The following GFPT2 variants were observed in gnomAD, a reference collection of about 807,000 sequenced individuals.
GFPT2 encodes glutamine--fructose-6-phosphate aminotransferase [isomerizing] 2.
A neutral mutation model predicts 85.6 loss-of-function variants in GFPT2; 62 were observed. The ratio of observed to expected loss-of-function variants is 0.72; its 90% CI spans 0.59 to 0.90. The LOEUF is 0.90. GFPT2 is among the 40% of genes least tolerant of loss of function. The pLI is 0.00. For synonymous variants in GFPT2, 368 were observed against 344.5 expected (o/e 1.07, Z -0.75); for missense variants, 788 against 893.4 (o/e 0.88, Z 1.50).
chr5:180,315,181 C>CTTTCTTT (rs1554133430), intron 13 of GFPT2, among the ~76,000 whole-genome samples: 5 of 144,122 alleles, frequency 3.5e-5, no homozygotes, highest in African/African-American at 1.0e-4. Flanking sequence ...TTTTCTTTTT[C>CTTTCTTT]TTTTTTTTTT....
At chr5:180,316,498 T>A in intron 12 of GFPT2, 37 bp from the exon 13 acceptor site, 1 of 1,613,008 alleles carries the variant, frequency 6.2e-7, no homozygotes, top group Non-Finnish European at 8.5e-7. Flanking sequence ...CTAAAGTCAG[T>A]CACAGGCACG....
intron 9 of GFPT2, among the ~76,000 whole-genome samples, chr5:180,320,070 G>C (rs1284014470): frequency 6.6e-6 from 1 of 152,128 alleles, no homozygotes; most frequent in Non-Finnish European, 1.5e-5. Flanking sequence ...TCCACTCACT[G>C]CAAGCTCTGC....
At chr5:180,338,350 A>T (rs781480200) in intron 2 of GFPT2, 143 bp downstream of exon 2, 21 of 481,208 alleles carry the variant, frequency 4.4e-5, no homozygotes, top group Non-Finnish European at 7.0e-5. Context: ...TTTAACGGAC[A>T]AGTGTTATTT....
At chr5:180,321,949 G>A (rs1040760779) in intron 9 of GFPT2, among the ~76,000 whole-genome samples, 4 of 151,306 alleles carry the variant, frequency 2.6e-5, no homozygotes, top group African/African-American at 7.3e-5. Context: ...ACGCCCGGCT[G>A]ATTTTTTTTT....
intron 1 of GFPT2, among the ~76,000 whole-genome samples, chr5:180,344,118 C>G (rs906135119): frequency 2.0e-5 from 3 of 152,196 alleles, no homozygotes; most frequent in African/African-American, 7.2e-5. Context: ...CAGCCCTCAA[C>G]AGAGAGCAAG....
intron 9 of GFPT2, among the ~76,000 whole-genome samples, chr5:180,320,332 A>C (rs950249785): frequency 1.3e-5 from 2 of 152,220 alleles, no homozygotes; most frequent in Admixed American, 1.3e-4. Context: ...ATGGAAAAGA[A>C]TAATGATTTT....
intron 13 of GFPT2, among the ~76,000 whole-genome samples, chr5:180,315,804 A>C (rs1763995008): frequency 6.6e-6 from 1 of 152,176 alleles, no homozygotes; most frequent in South Asian, 2.1e-4. Context: ...ATGGCACCAG[A>C]TGGGGTGCAT....
At position 180,307,239 on chromosome 5, in the gene GFPT2, C is replaced by T. The variant is rs370718311; in HGVS notation, c.1611G>A (p.Thr537=). ...KIHDLALELY[T]QRSLLVMGRG... ...GCCCCATCACCAGCAGCGATCTCTG[C>T]GTGTAGAGCTCCAGGGCCAAGTCGT... is the stretch of plus-strand genomic sequence containing the variant. The change falls in exon 16 of 19, where the codon ACG becomes ACA. Residue 537 remains threonine, a synonymous_variant. Coordinates refer to ENST00000253778, the MANE Select transcript of GFPT2 (RefSeq NM_005110.4). The T allele has an allele frequency of 2.0e-5, 33 of 1,613,096 alleles. No individual in the cohort carries two copies. In the African/African-American group the frequency reaches 2.8e-4, roughly 14 times the overall value.
At chr5:180,301,899 G>A (rs1051087231) in intron 18 of GFPT2, among the ~76,000 whole-genome samples, 1 of 146,556 alleles carries the variant, frequency 6.8e-6, no homozygotes, top group Admixed American at 7.0e-5. Context: ...GGTGTGTACT[G>A]TTAAAAATTA....
chr5:180,349,517 C>T (rs1208604042), intron 1 of GFPT2, among the ~76,000 whole-genome samples: 2 of 151,932 alleles, frequency 1.3e-5, no homozygotes, highest in African/African-American at 2.4e-5. Flanking sequence ...TTGGGAATCC[C>T]CTGAGGAGAC....
At chr5:180,334,261 G>A (rs571724441) in intron 4 of GFPT2, among the ~76,000 whole-genome samples, 24 of 152,350 alleles carry the variant, frequency 1.6e-4, no homozygotes, top group Non-Finnish European at 2.6e-4. Flanking sequence ...CTGCTGAGCA[G>A]GGTGGATGGG....
Position 180,312,476 on chromosome 5 carries a change from T to C in GFPT2, c.1500A>G (p.Leu500=). ...GGATGATCTCTTGCCTCCTGTTTTGTAGTGAAATTCGGTCTTCAGACATCA... is the reference window on the plus strand; with the variant it reads ...GGATGATCTCTTGCCTCCTGTTTTGCAGTGAAATTCGGTCTTCAGACATCA... ...GLMMSEDRIS[L]QNRRQEIIRG... is the part of the protein sequence containing the mutation. The change falls in exon 15 of 19, where the codon CTA becomes CTG. Residue 500 remains leucine (L), a synonymous_variant. Transcript: ENST00000253778. The C allele has an allele frequency of 6.2e-7, 1 of 1,611,150 alleles. No individual in the cohort carries two copies. The highest frequency in any genetic ancestry group is 8.5e-7 in the Non-Finnish European group (1 of 1,177,260).
At chr5:180,342,411 T>TG (rs1347755830) in intron 1 of GFPT2, among the ~76,000 whole-genome samples, 3 of 147,000 alleles carry the variant, frequency 2.0e-5, no homozygotes, top group African/African-American at 5.0e-5. Flanking sequence ...TGAAATGTTT[T>TG]TTTTTTTTTT....
chr5:180,327,391 A>G (rs1764227787), intron 7 of GFPT2, among the ~76,000 whole-genome samples: 1 of 151,932 alleles, frequency 6.6e-6, no homozygotes, highest in South Asian at 2.1e-4. Flanking sequence ...CCATGCCCCC[A>G]CCTTGCCAAC....
At chr5:180,333,481 G>A (rs58553716) in intron 4 of GFPT2, among the ~76,000 whole-genome samples, 3 of 152,154 alleles carry the variant, frequency 2.0e-5, no homozygotes, top group South Asian at 2.1e-4. Context: ...TGGTCCGCCC[G>A]CCTCGGCCTC....
At chr5:180,303,753 C>T (rs1427970201) in intron 17 of GFPT2, among the ~76,000 whole-genome samples, 1 of 152,102 alleles carries the variant, frequency 6.6e-6, no homozygotes. Flanking sequence ...TCTTTGTGGC[C>T]GGTTCCAGGA....
chr5:180,346,841 T>G (rs1008089180), intron 1 of GFPT2, among the ~76,000 whole-genome samples: 32 of 152,244 alleles, frequency 2.1e-4, no homozygotes, highest in African/African-American at 7.5e-4. Context: ...CTCCCAGGGC[T>G]GCCCACGGCG....
chr5:180,315,328 C>T (rs1029260152), intron 13 of GFPT2, among the ~76,000 whole-genome samples: 3 of 152,154 alleles, frequency 2.0e-5, no homozygotes, highest in African/African-American at 7.2e-5. Context: ...CAGGCGCCCG[C>T]CACCACGCCC....
At position 180,306,985 on chromosome 5, in the gene GFPT2, A is replaced by G. The variant is rs568118037; in HGVS notation, c.1674+191T>C. The stretch of plus-strand genomic sequence containing the variant: ...ATCCCTGGGGGCAGGCACCTGCCTC[A>G]CCCATCTCTGTGTGCCCAGGGCTAG... On this transcript the variant is annotated intron_variant, in intron 16 of 18. Coordinates refer to ENST00000253778, the MANE Select transcript of GFPT2 (RefSeq NM_005110.4). 2.1e-3 allele frequency among the ~76,000 whole-genome samples: 313 copies of G among 152,250 alleles called. 1 individual carries two copies. The highest frequency in any genetic ancestry group is 7.2e-3 in the African/African-American group (298 of 41,556).
Sources: gnomAD v4.1 joint callset for allele counts (sites outside exome capture counted in the v4.1 genomes callset) on GRCh38, gnomAD v4.1.1 for gene constraint, MANE v1.5 for transcripts, NCBI Gene and HGNC (gene_info 2026-07-23, HGNC 2026-07-21) for gene names.